SULT4A1: variants seen among roughly 807,000 people sequenced by gnomAD.
SULT4A1 encodes sulfotransferase 4A1.
In SULT4A1, 11 loss-of-function variants were observed where a neutral mutation model predicts 35.2. That is an observed-to-expected ratio of 0.31 (90% CI 0.20 to 0.52). SULT4A1 has a LOEUF of 0.52. SULT4A1 is among the 20% of genes least tolerant of loss of function. The pLI, the probability that SULT4A1 is intolerant of heterozygous loss-of-function variation, is 0.97. For missense variants in SULT4A1, 271 were observed against 383.7 expected, an observed-to-expected ratio of 0.71 and a Z score of 2.45; for synonymous variants, 152 against 151.8, an observed-to-expected ratio of 1.00 and a Z score of -0.01.
intron 1 of SULT4A1, among the ~76,000 whole-genome samples, chr22:43,842,234 G>T (rs1392817112): frequency 6.6e-6 from 1 of 152,154 alleles, no homozygotes; most frequent in Admixed American, 6.5e-5. Context: ...GTAACAGGTG[G>T]GTGACTCGGC....
At chr22:43,826,572 T>G (rs750606445) in intron 6 of SULT4A1, 10 of 985,046 alleles carry the variant, frequency 1.0e-5, no homozygotes, top group Non-Finnish European at 1.2e-5. Context: ...CATTATCCAC[T>G]CACAGCTCAA....
rs149826680 is a variant in SULT4A1, at chr22:43,831,616, C to A, written c.603+2024G>T. On this transcript the variant is annotated intron_variant, in intron 5 of 6. Transcript: ENST00000330884. ...GTGGCACATTCGTGCTGCAACGGAG[C>A]ACCGACCACAGCACAGGAAAGAACA... Among the ~76,000 whole-genome samples the A allele has an allele frequency of 7.8e-4, 119 of 152,370 alleles. 2 individuals are homozygous for A. The East Asian group carries it at 0.011, about 15-fold the overall frequency.
intron 1 of SULT4A1, among the ~76,000 whole-genome samples, chr22:43,850,284 C>T (rs904475170): frequency 1.3e-5 from 2 of 152,196 alleles, no homozygotes; most frequent in South Asian, 2.1e-4. Flanking sequence ...TTTTCGACTA[C>T]GAAAGATGAG....
chr22:43,862,259 G>T lies in SULT4A1; in HGVS notation c.124C>A (p.Pro42Thr). 6.4e-7 allele frequency: 1 copy of T among 1,569,736 alleles called. No homozygotes were observed. Among genetic ancestry groups the T allele is most frequent in the Non-Finnish European group, 8.6e-7 (1 of 1,157,368 alleles). Residue 42 changes from proline to threonine, a missense_variant, in exon 1 of 7, where the codon CCG becomes ACG. Transcript: ENST00000330884. ...RGKMEEIANF[P>T]VRPSDVWIVT... ...ATCCACACGTCGCTGGGCCGCACCGGGAAGTTGGCGATCTCCTCCATCTTC... is the reference window on the plus strand; with the variant it reads ...ATCCACACGTCGCTGGGCCGCACCGTGAAGTTGGCGATCTCCTCCATCTTC...
chr22:43,851,874 G>A (rs1386069811), intron 1 of SULT4A1, among the ~76,000 whole-genome samples: 2 of 152,154 alleles, frequency 1.3e-5, no homozygotes, highest in Admixed American at 1.3e-4. Context: ...TGGGCTGCTG[G>A]AATTCGTTCC....
intron 1 of SULT4A1, among the ~76,000 whole-genome samples, chr22:43,861,644 G>A (rs1260444626): frequency 6.6e-6 from 1 of 152,226 alleles, no homozygotes; most frequent in Non-Finnish European, 1.5e-5. Flanking sequence ...CTGCCTCGGT[G>A]ATGGAGGCAG....
intron 1 of SULT4A1, among the ~76,000 whole-genome samples, chr22:43,850,822 C>T (rs548447686): frequency 6.6e-6 from 1 of 152,154 alleles, no homozygotes; most frequent in African/African-American, 2.4e-5. Context: ...GGCTGGAGAT[C>T]GCTTTCCGTC....
intron 1 of SULT4A1, among the ~76,000 whole-genome samples, chr22:43,846,039 ACCACTGT>A (rs547896450): frequency 1.3e-5 from 2 of 152,166 alleles, no homozygotes; most frequent in East Asian, 3.9e-4. Context: ...GTCAGACTCC[ACCACTGT>A]CCACTGCCGC....
At chr22:43,848,827 C>A (rs1211513601) in intron 1 of SULT4A1, among the ~76,000 whole-genome samples, 1 of 152,242 alleles carries the variant, frequency 6.6e-6, no homozygotes, top group Non-Finnish European at 1.5e-5. Context: ...CCCAGTAGAT[C>A]CACCCTGAGT....
chr22:43,853,352 T>C (rs946365523), intron 1 of SULT4A1, among the ~76,000 whole-genome samples: 40 of 152,320 alleles, frequency 2.6e-4, no homozygotes, highest in Non-Finnish European at 5.7e-4. Context: ...GGGACTGACC[T>C]CCACCCATGA....
intron 5 of SULT4A1, among the ~76,000 whole-genome samples, chr22:43,831,771 G>A (rs1048646419): frequency 6.6e-6 from 1 of 152,260 alleles, no homozygotes; most frequent in Non-Finnish European, 1.5e-5. Context: ...AGATGAAACC[G>A]CGGTGGCCTC....
intron 1 of SULT4A1, among the ~76,000 whole-genome samples, chr22:43,844,283 G>A (rs1441658957): frequency 6.6e-6 from 1 of 152,198 alleles, no homozygotes; most frequent in African/African-American, 2.4e-5. Flanking sequence ...GGGGAGATGT[G>A]GCCAACGGGA....
Position 43,828,144 on chromosome 22 carries a change from C to T in SULT4A1, c.742+916G>A, listed in dbSNP as rs116240717. ...TCTCATCCGCCCCAGGCATCTCCCA[C>T]TCCATCTTGTGGGGCTGCTGCTGAA... is the stretch of plus-strand genomic sequence containing the variant. On this transcript the variant is annotated intron_variant, in intron 6 of 6. Coordinates refer to ENST00000330884, the MANE Select transcript of SULT4A1 (RefSeq NM_014351.4). Among the ~76,000 whole-genome samples, 841 of 152,364 alleles carry T rather than the reference C, an allele frequency of 5.5e-3. 7 individuals are homozygous for T. Among genetic ancestry groups the T allele is most frequent in the African/African-American group, 0.019 (785 of 41,586 alleles).
At chr22:43,826,255 C>G (rs2063286056) in intron 6 of SULT4A1, 142 bp from the exon 7 acceptor site, 2 of 1,460,106 alleles carry the variant, frequency 1.4e-6, no homozygotes, top group Non-Finnish European at 1.8e-6. Flanking sequence ...GCAGGAAGGG[C>G]CGTCTGAGCT....
chr22:43,853,835 G>A (rs2049371312), intron 1 of SULT4A1, among the ~76,000 whole-genome samples: 1 of 152,252 alleles, frequency 6.6e-6, no homozygotes, highest in Non-Finnish European at 1.5e-5. Context: ...AGCAGAGCGT[G>A]GCTCCACCCC....
rs1393754842 is a variant in SULT4A1 at position 43,862,266 on chromosome 22, G to A, written c.117C>T (p.Ala39=). Residue 39 remains alanine (A), a synonymous_variant, in exon 1 of 7, where the codon GCC becomes GCT. Coordinates refer to ENST00000330884, the MANE Select transcript of SULT4A1 (RefSeq NM_014351.4). ...PFCRGKMEEI[A]NFPVRPSDVW... Reference sequence around the variant, plus strand: ...CGTCGCTGGGCCGCACCGGGAAGTTGGCGATCTCCTCCATCTTCCCGCGGC... The same window carrying A: ...CGTCGCTGGGCCGCACCGGGAAGTTAGCGATCTCCTCCATCTTCCCGCGGC... The A allele has an allele frequency of 6.4e-7, 1 of 1,570,392 alleles. No homozygotes were observed. Among genetic ancestry groups the A allele is most frequent in the Non-Finnish European group, 8.6e-7 (1 of 1,157,720 alleles).
intron 1 of SULT4A1, among the ~76,000 whole-genome samples, chr22:43,857,381 A>C (rs2049413986): frequency 6.6e-6 from 1 of 151,684 alleles, no homozygotes; most frequent in Non-Finnish European, 1.5e-5. Flanking sequence ...AAAAAAAAAA[A>C]AAAAAAAAAA....
intron 5 of SULT4A1, among the ~76,000 whole-genome samples, chr22:43,833,363 C>T (rs112030024): frequency 2.0e-5 from 3 of 152,180 alleles, no homozygotes; most frequent in African/African-American, 7.2e-5. Flanking sequence ...TCCAAAGGCC[C>T]CCTGATAAGC....
Position 43,862,205 on chromosome 22 carries a change from G to A in SULT4A1, c.169+9C>T, listed in dbSNP as rs1340208511. Reference sequence around the variant, plus strand: ...ATGGCGTGGCGGGCGCGGTCGGCGCGGGGCTCACCGGACTTGGGGTAGGTG... The same window carrying A: ...ATGGCGTGGCGGGCGCGGTCGGCGCAGGGCTCACCGGACTTGGGGTAGGTG... On this transcript the variant is annotated intron_variant, in intron 1 of 6. Transcript: ENST00000330884. 4.6e-6 allele frequency: 7 copies of A among 1,533,774 alleles called. No individual in the cohort carries two copies. The African/African-American group carries it at 5.8e-5, about 13-fold the overall frequency.
Sources: gnomAD v4.1 joint callset for allele counts (sites outside exome capture counted in the v4.1 genomes callset) on GRCh38, gnomAD v4.1.1 for gene constraint, MANE v1.5 for transcripts, NCBI Gene and HGNC (gene_info 2026-07-23, HGNC 2026-07-21) for gene names.